The following RTN4 variants were observed in gnomAD, a reference collection of about 807,000 sequenced individuals.
The protein encoded by RTN4 is reticulon-4.
Under a neutral mutation model 90.4 loss-of-function variants are expected in RTN4, and 32 were observed. The observed-to-expected ratio is 0.35, with a 90% CI of 0.27 to 0.48. RTN4 has a LOEUF of 0.48. Among genes scored for constraint, RTN4 ranks in the 20% least tolerant of loss-of-function variants. The pLI, the probability that RTN4 is intolerant of heterozygous loss-of-function variation, is 0.99. For missense variants in RTN4, 1,706 were observed against 1,430.2 expected, an observed-to-expected ratio of 1.19 and a Z score of -3.11; for synonymous variants, 629 against 552.5, an observed-to-expected ratio of 1.14 and a Z score of -1.94.
intron 1 of RTN4, among the ~76,000 whole-genome samples, chr2:55,034,283 T>C (rs1682528455): frequency 6.6e-6 from 1 of 152,118 alleles, no homozygotes; most frequent in Non-Finnish European, 1.5e-5. Context: ...GGAGGATTGC[T>C]TGAGCCCTGG....
At chr2:55,086,345 C>A (rs1668837123) in intron 1 of RTN4, among the ~76,000 whole-genome samples, 1 of 151,962 alleles carries the variant, frequency 6.6e-6, no homozygotes, top group Non-Finnish European at 1.5e-5. Flanking sequence ...CCCTGTGTAA[C>A]TGTTACCAAG....
At chr2:55,022,507 G>A (rs1275189995) in intron 3 of RTN4, among the ~76,000 whole-genome samples, 1 of 152,092 alleles carries the variant, frequency 6.6e-6, no homozygotes, top group Non-Finnish European at 1.5e-5. Context: ...ACACACCTAA[G>A]GGAGGAGTGG....
chr2:55,086,447 G>A (rs1668839537), intron 1 of RTN4, among the ~76,000 whole-genome samples: 1 of 151,734 alleles, frequency 6.6e-6, no homozygotes. Context: ...GATTGTTTGT[G>A]CCCAGGAATT....
At chr2:55,066,195 G>T (rs983878892) in intron 2 of RTN4, among the ~76,000 whole-genome samples, 13 of 62,560 alleles carry the variant, frequency 2.1e-4, no homozygotes, top group East Asian at 1.7e-3. Flanking sequence ...GTGTGTGTTT[G>T]TGTGTGTGTG....
intron 2 of RTN4, among the ~76,000 whole-genome samples, chr2:55,058,786 G>A (rs1668236301): frequency 6.6e-6 from 1 of 152,176 alleles, no homozygotes; most frequent in Admixed American, 6.5e-5. Context: ...CAGTCACGTG[G>A]CAGCTCTGTT....
At chr2:55,005,838 T>G (rs2104768144) in intron 3 of RTN4, among the ~76,000 whole-genome samples, 1 of 152,286 alleles carries the variant, frequency 6.6e-6, no homozygotes, top group Middle Eastern at 3.4e-3. Flanking sequence ...TATGCAATAT[T>G]TTACATAATT....
At chr2:55,048,432 TAAAAC>T (rs1430298171) in intron 1 of RTN4, among the ~76,000 whole-genome samples, 2 of 152,348 alleles carry the variant, frequency 1.3e-5, no homozygotes, top group East Asian at 3.9e-4. Context: ...ACGTTTAACT[TAAAAC>T]ACAAACACAT....
intron 1 of RTN4, among the ~76,000 whole-genome samples, chr2:55,048,491 C>T (rs1667899185): frequency 1.3e-5 from 2 of 150,844 alleles, no homozygotes. Flanking sequence ...ATTCTATAAG[C>T]TTTTTTCTAT....
upstream of RTN4, among the ~76,000 whole-genome samples, chr2:55,114,420 C>G (rs570487195): frequency 2.0e-5 from 3 of 152,158 alleles, no homozygotes; most frequent in East Asian, 1.9e-4. Flanking sequence ...AACTCCAGGC[C>G]GGGCGTGGTG....
intron 3 of RTN4, among the ~76,000 whole-genome samples, chr2:54,993,091 A>G (rs1159098979): frequency 2.6e-5 from 4 of 151,708 alleles, no homozygotes; most frequent in Non-Finnish European, 5.9e-5. Flanking sequence ...AAAAAAAAAA[A>G]AAGAAAAGAA....
chr2:55,051,833 A>G (rs1668096260), upstream of RTN4, among the ~76,000 whole-genome samples: 1 of 152,216 alleles, frequency 6.6e-6, no homozygotes, highest in Non-Finnish European at 1.5e-5. Flanking sequence ...ATATATTGGG[A>G]TAAGTATAAT....
At chr2:55,053,700 A>AC (rs1341943188), upstream of RTN4, among the ~76,000 whole-genome samples, 13 of 151,116 alleles carry the variant, frequency 8.6e-5, no homozygotes, top group East Asian at 1.9e-4. Flanking sequence ...AAAAAACAAA[A>AC]AAAAAAAGAA....
intron 1 of RTN4, among the ~76,000 whole-genome samples, chr2:55,086,091 G>A (rs1363922164): frequency 5.3e-5 from 8 of 152,172 alleles, no homozygotes; most frequent in Admixed American, 3.9e-4. Flanking sequence ...GTGAACAGAA[G>A]TAACACAGGT....
chr2:55,012,673 T>C (rs1680730450), intron 3 of RTN4, among the ~76,000 whole-genome samples: 1 of 152,168 alleles, frequency 6.6e-6, no homozygotes, highest in Non-Finnish European at 1.5e-5. Flanking sequence ...TACTTATCAG[T>C]ATGCTAAAAA....
chr2:55,044,321 G>C (rs1371808598), intron 1 of RTN4, among the ~76,000 whole-genome samples: 2 of 152,062 alleles, frequency 1.3e-5, no homozygotes, highest in Non-Finnish European at 2.9e-5. Context: ...AGCCCAGGAG[G>C]TCAAGGGTAT....
At chr2:55,113,914 T>C (rs1281145797), upstream of RTN4, among the ~76,000 whole-genome samples, 1 of 152,170 alleles carries the variant, frequency 6.6e-6, no homozygotes, top group South Asian at 2.1e-4. Flanking sequence ...GAATATCAAC[T>C]GCTTCTGAAC....
intron 5 of RTN4, among the ~76,000 whole-genome samples, chr2:54,981,186 T>C (rs1488577434): frequency 6.6e-6 from 1 of 152,046 alleles, no homozygotes; most frequent in Non-Finnish European, 1.5e-5. Context: ...AAATAAGAGA[T>C]GCGGCTGGGC....
intron 3 of RTN4, chr2:55,009,976 C>A: frequency 8.1e-7 from 1 of 1,239,364 alleles, no homozygotes; most frequent in Admixed American, 2.0e-5. Flanking sequence ...GACTTCAACT[C>A]TTCAGAGGTT....
intron 1 of RTN4, among the ~76,000 whole-genome samples, chr2:55,103,414 A>G (rs932407495): frequency 2.6e-5 from 4 of 152,066 alleles, no homozygotes; most frequent in Admixed American, 6.6e-5. Flanking sequence ...TAGTGCCTAT[A>G]GCTAACAATA....
Sources: gnomAD v4.1 joint callset for allele counts (sites outside exome capture counted in the v4.1 genomes callset) on GRCh38, gnomAD v4.1.1 for gene constraint, MANE v1.5 for transcripts, NCBI Gene and HGNC (gene_info 2026-07-23, HGNC 2026-07-21) for gene names.